SHISA6: variants seen among roughly 807,000 people sequenced by gnomAD.
SHISA6 encodes shisa family member 6, also known as protein shisa-6.
Under a neutral mutation model 47.9 loss-of-function variants are expected in SHISA6, and 22 were observed. That is an observed-to-expected ratio of 0.46 (90% confidence interval 0.33 to 0.66). The LOEUF (loss-of-function observed/expected upper bound fraction) is 0.66. Among genes scored for constraint, SHISA6 ranks in the 30% least tolerant of loss-of-function variants. SHISA6 has a pLI of 0.02. For missense variants in SHISA6, 680 were observed against 764.6 expected, an observed-to-expected ratio of 0.89 and a Z score of 1.30; for synonymous variants, 388 against 337.8, an observed-to-expected ratio of 1.15 and a Z score of -1.63.
At chr17:11,553,259 T>C (rs773138434) in intron 4 of SHISA6, among the ~76,000 whole-genome samples, 1 of 152,090 alleles carries the variant, frequency 6.6e-6, no homozygotes, top group African/African-American at 2.4e-5. Flanking sequence ...GGGGGCACTC[T>C]ACACTGAAAG....
rs965622047 is a variant in SHISA6, at chr17:11,562,222, C to A, written c.*3918C>A. The A allele has an allele frequency of 2.6e-5, 4 of 152,046 alleles. No individual in the cohort carries two copies. Among genetic ancestry groups the A allele is most frequent in the African/African-American group, 4.8e-5 (2 of 41,380 alleles). 9.4% of individuals were successfully genotyped at this position (152,046 alleles called of 1,614,324 possible). On this transcript the variant is annotated 3_prime_UTR_variant, in exon 6 of 6. Coordinates refer to ENST00000441885, the MANE Select transcript of SHISA6 (RefSeq NM_207386.4). ...AACATCCCTGCCATCAAACTCAATC[C>A]ATTTTCTTCAGAGATACCTTGTCTG... is the stretch of plus-strand genomic sequence containing the variant.
At chr17:11,416,319 A>C (rs1914279282) in intron 3 of SHISA6, among the ~76,000 whole-genome samples, 1 of 152,240 alleles carries the variant, frequency 6.6e-6, no homozygotes, top group Non-Finnish European at 1.5e-5. Context: ...TGCAAGGCAT[A>C]TTAGAGCCTT....
At chr17:11,511,668 T>C (rs2071542731) in intron 3 of SHISA6, among the ~76,000 whole-genome samples, 2 of 152,116 alleles carry the variant, frequency 1.3e-5, no homozygotes, top group Admixed American at 1.3e-4. Context: ...GAAAATGAAG[T>C]TGTAAAAAAG....
At chr17:11,334,782 C>T (rs1160924698) in intron 2 of SHISA6, among the ~76,000 whole-genome samples, 1 of 152,252 alleles carries the variant, frequency 6.6e-6, no homozygotes, top group Non-Finnish European at 1.5e-5. Context: ...CTGGCCTTGG[C>T]ACAGCTGCCT....
At chr17:11,277,509 TTAG>T (rs889510571) in intron 2 of SHISA6, among the ~76,000 whole-genome samples, 1 of 152,176 alleles carries the variant, frequency 6.6e-6, no homozygotes, top group African/African-American at 2.4e-5. Flanking sequence ...ATCTTGGCAC[TTAG>T]TAGGCATTCA....
intron 2 of SHISA6, among the ~76,000 whole-genome samples, chr17:11,358,405 G>A (rs1451655296): frequency 1.3e-5 from 2 of 152,022 alleles, no homozygotes; most frequent in African/African-American, 2.4e-5. Context: ...TGTCGCCCAG[G>A]CTGGAGTGCA....
At chr17:11,343,957 G>A (rs1911616240) in intron 2 of SHISA6, among the ~76,000 whole-genome samples, 1 of 152,140 alleles carries the variant, frequency 6.6e-6, no homozygotes, top group Admixed American at 6.5e-5. Flanking sequence ...TCAAAGTGCT[G>A]GGATTACAAG....
At position 11,551,945 on chromosome 17, in the gene SHISA6, G is replaced by A. The variant is rs1398649205; in HGVS notation, c.945G>A (p.Pro315=). ...TTTTGAGCAGTGTTACCCAGATCCC[G>A]CCACATGGTGAGAGATGATTGAGAG... is the stretch of plus-strand genomic sequence containing the variant. ...HPILSSVTQI[P]PHEKPRMNNI... The change falls in exon 4 of 6, where the codon CCG becomes CCA. Residue 315 remains proline (P), a synonymous_variant. Transcript: ENST00000441885. 1.0e-5 allele frequency: 16 copies of A among 1,551,592 alleles called. No homozygotes were observed. The highest frequency in any genetic ancestry group is 2.0e-5 in the Admixed American group (1 of 51,000).
At chr17:11,363,199 T>G (rs1424416003) in intron 2 of SHISA6, among the ~76,000 whole-genome samples, 1 of 125,598 alleles carries the variant, frequency 8.0e-6, no homozygotes, top group African/African-American at 2.9e-5. Flanking sequence ...CAGGGTACAT[T>G]TCTTTTTTTT....
At chr17:11,451,795 A>G (rs1915409019) in intron 3 of SHISA6, among the ~76,000 whole-genome samples, 2 of 152,258 alleles carry the variant, frequency 1.3e-5, no homozygotes. Flanking sequence ...CCATCTCTGC[A>G]GTGTGCTGCC....
intron 2 of SHISA6, among the ~76,000 whole-genome samples, chr17:11,307,763 G>C (rs9903128): frequency 0.35 from 53,564 of 152,048 alleles, 11,038 homozygotes; most frequent in Non-Finnish European, 0.47. Context: ...CCAATTCATA[G>C]TATAACTTCA....
intron 3 of SHISA6, among the ~76,000 whole-genome samples, chr17:11,524,392 A>G (rs2071657778): frequency 6.6e-6 from 1 of 152,164 alleles, no homozygotes; most frequent in African/African-American, 2.4e-5. Flanking sequence ...TCATAGATAA[A>G]AAATTAGCAG....
At chr17:11,330,823 G>T (rs979724491) in intron 2 of SHISA6, among the ~76,000 whole-genome samples, 1 of 152,124 alleles carries the variant, frequency 6.6e-6, no homozygotes, top group Non-Finnish European at 1.5e-5. Flanking sequence ...CTTCGTCTTT[G>T]GTCTGGTATC....
chr17:11,508,268 G>C (rs2071516769), intron 3 of SHISA6, among the ~76,000 whole-genome samples: 1 of 152,230 alleles, frequency 6.6e-6, no homozygotes, highest in Non-Finnish European at 1.5e-5. Flanking sequence ...ATTTCTCACT[G>C]TTCTGGAGTT....
chr17:11,253,865 C>G (rs1176772177), intron 1 of SHISA6, among the ~76,000 whole-genome samples: 4 of 152,106 alleles, frequency 2.6e-5, no homozygotes, highest in Admixed American at 2.6e-4. Context: ...CCAGCTGGGC[C>G]TGAGAGGTTA....
chr17:11,530,873 A>G (rs1035250556), intron 3 of SHISA6, among the ~76,000 whole-genome samples: 1 of 152,124 alleles, frequency 6.6e-6, no homozygotes, highest in Non-Finnish European at 1.5e-5. Flanking sequence ...TCACGCTAAC[A>G]AGCTAACTTT....
intron 3 of SHISA6, among the ~76,000 whole-genome samples, chr17:11,400,795 C>A (rs1913744467): frequency 6.6e-6 from 1 of 152,144 alleles, no homozygotes; most frequent in African/African-American, 2.4e-5. Flanking sequence ...ACAGAATGCA[C>A]AATAGTTTTT....
At chr17:11,400,592 C>T (rs978361255) in intron 3 of SHISA6, among the ~76,000 whole-genome samples, 1 of 152,200 alleles carries the variant, frequency 6.6e-6, no homozygotes, top group Non-Finnish European at 1.5e-5. Context: ...TGCTCTACCC[C>T]TTTGACAACT....
At position 11,558,255 on chromosome 17, in the gene SHISA6, C is replaced by T. The variant is rs777536855; in HGVS notation, c.1607C>T (p.Pro536Leu). Residue 536 changes from proline to leucine, a missense_variant, in exon 6 of 6, where the codon CCG becomes CTG. Physicochemically the swap from Pro to Leu is moderately conservative, Grantham distance 98. Transcript: ENST00000441885. ...HNTVEQLHYI[P>L]GHHTCYTASK... ...ACGGTGGAGCAGCTGCACTACATCC[C>T]GGGCCACCACACCTGCTACACAGCC... 1.9e-5 allele frequency: 29 copies of T among 1,539,808 alleles called. No individual in the cohort carries two copies. The highest frequency in any genetic ancestry group is 1.3e-4 in the South Asian group (11 of 84,062).
Sources: gnomAD v4.1 joint callset for allele counts (sites outside exome capture counted in the v4.1 genomes callset) on GRCh38, gnomAD v4.1.1 for gene constraint, MANE v1.5 for transcripts, NCBI Gene and HGNC (gene_info 2026-07-23, HGNC 2026-07-21) for gene names.